The following CDK19 variants were observed in gnomAD, a reference collection of about 807,000 sequenced individuals.
CDK19 encodes the protein cyclin dependent kinase 19, also known as cyclin-dependent kinase 19.
In CDK19, 20 loss-of-function variants were observed where a neutral mutation model predicts 68.3. The ratio of observed to expected loss-of-function variants is 0.29; its 90% CI spans 0.21 to 0.43. The LOEUF (loss-of-function observed/expected upper bound fraction) is 0.43, where lower values mean the gene tolerates loss of function less well. CDK19 is among the 20% of genes least tolerant of loss of function. CDK19 has a pLI of 1.00. For missense variants in CDK19, 339 were observed against 623.5 expected (o/e 0.54, Z 4.86); for synonymous variants, 221 against 222.8 (o/e 0.99, Z 0.07).
intron 4 of CDK19, among the ~76,000 whole-genome samples, chr6:110,648,991 C>CATG (rs1780802036): frequency 6.6e-6 from 1 of 152,136 alleles, no homozygotes; most frequent in African/African-American, 2.4e-5. Context: ...GGATTACAGG[C>CATG]ATGGGCCACT....
At chr6:110,623,803 T>C (rs1383683697) in intron 8 of CDK19, among the ~76,000 whole-genome samples, 2 of 147,250 alleles carry the variant, frequency 1.4e-5, no homozygotes, top group Admixed American at 6.9e-5. Flanking sequence ...TACACACACA[T>C]ATACACATAT....
intron 2 of CDK19, among the ~76,000 whole-genome samples, chr6:110,684,110 T>C (rs1772249622): frequency 6.6e-6 from 1 of 151,974 alleles, no homozygotes; most frequent in African/African-American, 2.4e-5. Context: ...ATGAAACAGA[T>C]ACAAACTAAA....
At chr6:110,697,418 A>T (rs1773571220) in intron 2 of CDK19, among the ~76,000 whole-genome samples, 1 of 152,146 alleles carries the variant, frequency 6.6e-6, no homozygotes, top group South Asian at 2.1e-4. Context: ...AATACTTAGG[A>T]ATATAGCTAA....
intron 4 of CDK19, among the ~76,000 whole-genome samples, chr6:110,643,594 AAAC>A (rs763723033): frequency 5.3e-5 from 8 of 152,182 alleles, no homozygotes; most frequent in Admixed American, 3.9e-4. Flanking sequence ...TGATAAGCAT[AAAC>A]AACAACAACA....
chr6:110,788,517 T>C (rs1431977788), intron 1 of CDK19, among the ~76,000 whole-genome samples: 1 of 152,200 alleles, frequency 6.6e-6, no homozygotes, highest in Non-Finnish European at 1.5e-5. Flanking sequence ...TTGGCTGCCA[T>C]AAAATTCTCC....
At chr6:110,783,621 G>C (rs1360149527) in intron 1 of CDK19, among the ~76,000 whole-genome samples, 1 of 149,314 alleles carries the variant, frequency 6.7e-6, no homozygotes, top group Non-Finnish European at 1.5e-5. Flanking sequence ...CTGGGTGACA[G>C]AGTGAGATTC....
chr6:110,688,626 G>C (rs899409940), intron 2 of CDK19, among the ~76,000 whole-genome samples: 1 of 152,282 alleles, frequency 6.6e-6, no homozygotes, highest in South Asian at 2.1e-4. Context: ...CCCCACCAGG[G>C]AACCTGGAAA....
At chr6:110,810,575 G>C (rs932959239) in intron 1 of CDK19, among the ~76,000 whole-genome samples, 4 of 152,082 alleles carry the variant, frequency 2.6e-5, no homozygotes, top group African/African-American at 9.7e-5. Flanking sequence ...GGGAGTTCGA[G>C]ACCAGCCTAA....
In CDK19 at chr6:110,621,679, A is replaced by G. The variant is rs2114622207; in HGVS notation, c.1111-309T>C. Reference sequence around the variant, plus strand: ...AGAAATACATTTCTTATAGCTCATTAAAACAGCTAGAAGAAATCTTTTCAA... The same window carrying G: ...AGAAATACATTTCTTATAGCTCATTGAAACAGCTAGAAGAAATCTTTTCAA... On this transcript the variant is annotated intron_variant, in intron 11 of 12. Coordinates refer to ENST00000368911, the MANE Select transcript of CDK19 (RefSeq NM_015076.5). This position sits in a 1 kb window ranked among gnomAD's most constrained non-coding sequence, Gnocchi z 5.4. Among the ~76,000 whole-genome samples, 1 of 152,366 alleles carries G rather than the reference A, an allele frequency of 6.6e-6. No homozygotes were observed. Among genetic ancestry groups the G allele is most frequent in the Non-Finnish European group, 1.5e-5 (1 of 68,034 alleles).
chr6:110,658,007 C>A (rs1398288169), intron 4 of CDK19, among the ~76,000 whole-genome samples: 1 of 152,134 alleles, frequency 6.6e-6, no homozygotes, highest in African/African-American at 2.4e-5. Flanking sequence ...AACTGTCATG[C>A]CAAAAAGAAA....
At chr6:110,615,378 A>G (rs1260719895) in intron 12 of CDK19, among the ~76,000 whole-genome samples, 1 of 152,252 alleles carries the variant, frequency 6.6e-6, no homozygotes, top group East Asian at 1.9e-4. Flanking sequence ...AAAAATGTGT[A>G]AAAGGAAAAA....
At chr6:110,628,924 G>GTCA (rs955459237) in intron 6 of CDK19, among the ~76,000 whole-genome samples, 2 of 152,112 alleles carry the variant, frequency 1.3e-5, no homozygotes, top group East Asian at 3.8e-4. Context: ...ATGCAGCAAG[G>GTCA]TCATCATCAT....
chr6:110,626,921 T>A, intron 7 of CDK19, 76 bp from the exon 8 acceptor site: 1 of 1,403,578 alleles, frequency 7.1e-7, no homozygotes, highest in Non-Finnish European at 9.8e-7. Flanking sequence ...AGTTTATAAA[T>A]ATACATTAAA....
chr6:110,785,392 TAA>T (rs1375646609), intron 1 of CDK19, among the ~76,000 whole-genome samples: 1 of 152,176 alleles, frequency 6.6e-6, no homozygotes, highest in African/African-American at 2.4e-5. Context: ...ACCTCACTGA[TAA>T]CATAAATAGT....
chr6:110,767,223 G>A (rs1779658437), intron 1 of CDK19, among the ~76,000 whole-genome samples: 1 of 151,936 alleles, frequency 6.6e-6, no homozygotes, highest in African/African-American at 2.4e-5. Context: ...GTTGGGAAGG[G>A]CCAGGGGATG....
intron 1 of CDK19, among the ~76,000 whole-genome samples, chr6:110,807,368 A>C (rs1334691697): frequency 6.6e-6 from 1 of 152,178 alleles, no homozygotes; most frequent in African/African-American, 2.4e-5. Context: ...CCCAAAAGAA[A>C]ATCCTCTTAA....
At chr6:110,735,282 G>T (rs1393261229) in intron 2 of CDK19, among the ~76,000 whole-genome samples, 1 of 151,708 alleles carries the variant, frequency 6.6e-6, no homozygotes, top group East Asian at 1.9e-4. Context: ...ATAAGAATAT[G>T]CCTGAACACA....
intron 4 of CDK19, among the ~76,000 whole-genome samples, chr6:110,662,348 T>C (rs1781672635): frequency 6.6e-6 from 1 of 152,004 alleles, no homozygotes; most frequent in South Asian, 2.1e-4. Context: ...CAATAAAGAC[T>C]TCGTGCTTAT....
intron 2 of CDK19, among the ~76,000 whole-genome samples, chr6:110,698,596 A>C (rs1773696365): frequency 6.6e-6 from 1 of 152,226 alleles, no homozygotes; most frequent in African/African-American, 2.4e-5. Flanking sequence ...AACAGTATGG[A>C]AAATTCTTAA....
Sources: gnomAD v4.1 joint callset for allele counts (sites outside exome capture counted in the v4.1 genomes callset) on GRCh38, gnomAD v4.1.1 for gene constraint, Gnocchi (gnomAD v3.1) non-coding constraint, MANE v1.5 for transcripts, NCBI Gene and HGNC (gene_info 2026-07-23, HGNC 2026-07-21) for gene names.